Variants in CSMD3 observed in about 807,000 individuals in gnomAD.
CSMD3 encodes the protein CUB and Sushi multiple domains 3.
Under a neutral mutation model 435.2 loss-of-function variants are expected in CSMD3, and 177 were observed. The ratio of observed to expected loss-of-function variants is 0.41; its 90% confidence interval spans 0.36 to 0.46. CSMD3 has a LOEUF of 0.46. Among genes scored for constraint, CSMD3 ranks in the 20% least tolerant of loss-of-function variants. The probability of loss-of-function intolerance (pLI) is 0.34; values close to 1 mark genes in which losing one functional copy is unlikely to be tolerated. For synonymous variants in CSMD3, 1,656 were observed against 1,520.5 expected, an observed-to-expected ratio of 1.09 and a Z score of -2.07; for missense variants, 4,265 against 4,504.6, an observed-to-expected ratio of 0.95 and a Z score of 1.52.
chr8:112,947,337 T>C (rs1294776267), intron 9 of CSMD3, among the ~76,000 whole-genome samples: 8 of 151,778 alleles, frequency 5.3e-5, no homozygotes, highest in African/African-American at 1.9e-4. Flanking sequence ...AATTACACAA[T>C]ACAAATAAGA....
chr8:112,863,054 T>C lies in CSMD3; in HGVS notation c.1634-3788A>G, dbSNP rs562620676. 2.0e-5 allele frequency among the ~76,000 whole-genome samples: 3 copies of C among 152,138 alleles called. No individual in the cohort carries two copies. In the East Asian group the frequency reaches 5.8e-4, roughly 29 times the overall value. ...TTTTCTCTTTGTACACTTTTCCTCA[T>C]TTCAATTTTTTCTTGCTGATCTATA... On this transcript the variant is annotated intron_variant, in intron 10 of 70. Transcript: ENST00000297405.
chr8:112,337,463 G>C, intron 43 of CSMD3, 80 bp downstream of exon 43: 1 of 1,067,972 alleles, frequency 9.4e-7, no homozygotes, highest in East Asian at 2.4e-5. Flanking sequence ...TATTGGAAGA[G>C]GAAGACAAGT....
intron 3 of CSMD3, among the ~76,000 whole-genome samples, chr8:113,217,335 G>T (rs2092916746): frequency 6.6e-6 from 1 of 151,198 alleles, no homozygotes; most frequent in African/African-American, 2.4e-5. Flanking sequence ...ATACAAAGAA[G>T]CAGAAAAATG....
intron 1 of CSMD3, among the ~76,000 whole-genome samples, chr8:113,434,067 C>T (rs967685769): frequency 6.6e-6 from 1 of 152,192 alleles, no homozygotes; most frequent in African/African-American, 2.4e-5. Context: ...TGGTTCAGGC[C>T]TACCTAAGAC....
At position 113,024,598 on chromosome 8, in the gene CSMD3, C is replaced by T. The variant is rs1013569622; in HGVS notation, c.918-5419G>A. On this transcript the variant is annotated intron_variant, in intron 5 of 70. Coordinates refer to ENST00000297405, the MANE Select transcript of CSMD3 (RefSeq NM_198123.2). Reference sequence around the variant, plus strand: ...ACACTGTAGAAGGGTACCTTTTTCTCTGCATCTTTGCTAACACCTCTTTTG... The same window carrying T: ...ACACTGTAGAAGGGTACCTTTTTCTTTGCATCTTTGCTAACACCTCTTTTG... 2.6e-5 allele frequency among the ~76,000 whole-genome samples: 4 copies of T among 152,044 alleles called. No individual in the cohort carries two copies. In the East Asian group the frequency reaches 7.7e-4, roughly 29 times the overall value.
intron 36 of CSMD3, among the ~76,000 whole-genome samples, chr8:112,389,749 TAATC>T (rs1332049641): frequency 2.0e-5 from 3 of 152,332 alleles, no homozygotes; most frequent in Admixed American, 2.0e-4. Context: ...ATTAGAGAAG[TAATC>T]AAGTTATATC....
At chr8:112,899,856 G>T (rs2082061876) in intron 10 of CSMD3, among the ~76,000 whole-genome samples, 1 of 149,900 alleles carries the variant, frequency 6.7e-6, no homozygotes, top group Non-Finnish European at 1.5e-5. Flanking sequence ...GAGAGTCAGA[G>T]AGAGAGAGAC....
At chr8:112,431,160 A>C (rs1270639599) in intron 32 of CSMD3, among the ~76,000 whole-genome samples, 3 of 152,134 alleles carry the variant, frequency 2.0e-5, no homozygotes, top group Non-Finnish European at 4.4e-5. Context: ...AAGAAGCTTA[A>C]ACTACCTCTG....
chr8:112,328,222 G>C (rs913325315), intron 45 of CSMD3, among the ~76,000 whole-genome samples: 9 of 152,126 alleles, frequency 5.9e-5, no homozygotes, highest in Non-Finnish European at 1.5e-5. Flanking sequence ...TAAATTTTAT[G>C]TTCTGTTATG....
chr8:113,307,079 C>A (rs2093827252), intron 2 of CSMD3, among the ~76,000 whole-genome samples: 1 of 151,350 alleles, frequency 6.6e-6, no homozygotes, highest in African/African-American at 2.4e-5. Context: ...AGAATAATGA[C>A]CAAGAAGGTA....
At chr8:113,000,158 G>T (rs1238790867) in intron 6 of CSMD3, among the ~76,000 whole-genome samples, 1 of 151,998 alleles carries the variant, frequency 6.6e-6, no homozygotes, top group Non-Finnish European at 1.5e-5. Context: ...AAAAATGAAA[G>T]AGTATTATTC....
chr8:112,940,121 T>A (rs1587719128), intron 9 of CSMD3, among the ~76,000 whole-genome samples: 1 of 151,994 alleles, frequency 6.6e-6, no homozygotes, highest in Non-Finnish European at 1.5e-5. Flanking sequence ...AATGACTTTA[T>A]ATTCAAAAGT....
chr8:112,728,535 A>C (rs11993842), intron 13 of CSMD3, among the ~76,000 whole-genome samples: 2,661 of 152,060 alleles, frequency 0.017, 77 homozygotes, highest in African/African-American at 0.061. Flanking sequence ...ATATTCTGTT[A>C]TTGTTGTTTT....
intron 4 of CSMD3, among the ~76,000 whole-genome samples, chr8:113,163,836 T>C (rs2092095557): frequency 6.6e-6 from 1 of 152,042 alleles, no homozygotes; most frequent in Non-Finnish European, 1.5e-5. Flanking sequence ...CAGTTCTCCA[T>C]CTACTTTTCA....
At chr8:113,236,234 GT>G (rs1178026465) in intron 3 of CSMD3, among the ~76,000 whole-genome samples, 1 of 152,164 alleles carries the variant, frequency 6.6e-6, no homozygotes, top group East Asian at 1.9e-4. Context: ...GACCTTGCCA[GT>G]ATTTTATGAA....
At chr8:113,015,299 A>C (rs2131149732) in intron 6 of CSMD3, among the ~76,000 whole-genome samples, 1 of 152,196 alleles carries the variant, frequency 6.6e-6, no homozygotes, top group South Asian at 2.1e-4. Context: ...ATCATAGCCT[A>C]TTTGAGAATC....
At chr8:112,376,045 T>C (rs1828910375) in intron 38 of CSMD3, among the ~76,000 whole-genome samples, 1 of 152,166 alleles carries the variant, frequency 6.6e-6, no homozygotes, top group Admixed American at 6.6e-5. Context: ...CCCGTCTTGC[T>C]TAACTGTAAA....
chr8:113,384,384 T>G (rs1451958120), intron 1 of CSMD3, among the ~76,000 whole-genome samples: 1 of 152,260 alleles, frequency 6.6e-6, no homozygotes, highest in East Asian at 1.9e-4. Flanking sequence ...ATATAGTGTA[T>G]CAGTCAGGAT....
intron 3 of CSMD3, among the ~76,000 whole-genome samples, chr8:113,230,145 A>T (rs1188745804): frequency 1.3e-5 from 2 of 150,206 alleles, no homozygotes; most frequent in Non-Finnish European, 3.0e-5. Flanking sequence ...GATAGAAATT[A>T]AGGACTAGCA....
Sources: gnomAD v4.1 joint callset for allele counts (sites outside exome capture counted in the v4.1 genomes callset) on GRCh38, gnomAD v4.1.1 for gene constraint, MANE v1.5 for transcripts, NCBI Gene and HGNC (gene_info 2026-07-23, HGNC 2026-07-21) for gene names.